NLRP1: variants seen among roughly 807,000 people sequenced by gnomAD.
NLRP1 encodes NLR family pyrin domain containing 1.
In NLRP1, 94 loss-of-function variants were observed where a neutral mutation model predicts 136.7. That is an observed-to-expected ratio of 0.69 (90% CI 0.58 to 0.82). The LOEUF is 0.82. Ranked by LOEUF, NLRP1 falls within the 40% of genes least tolerant of loss-of-function variation. The pLI is 0.00. For missense variants in NLRP1, 1,575 were observed against 1,802.7 expected, an observed-to-expected ratio of 0.87 and a Z score of 2.29; for synonymous variants, 690 against 725.1, an observed-to-expected ratio of 0.95 and a Z score of 0.78.
chr17:5,559,609 G>A lies in NLRP1; in HGVS notation c.1087C>T (p.His363Tyr), dbSNP rs762298014. ...TCTCTGCAGCTGAAGTAGAAGACAT[G>A]CTGGAAGCGGTCCCCATACAGCTGG... ...RGQLYGDRFQ[H>Y]VFYFSCRELA... The change falls in exon 4 of 17, where the codon CAT becomes TAT. Residue 363 changes from histidine (H) to tyrosine (Y), a missense_variant. Coordinates refer to ENST00000572272, the MANE Select transcript of NLRP1 (RefSeq NM_033004.4). 1 of 1,614,110 alleles carries A rather than the reference G, an allele frequency of 6.2e-7. No individual in the cohort carries two copies. The highest frequency in any genetic ancestry group is 1.3e-5 in the African/African-American group (1 of 74,938).
At chr17:5,530,241 CTT>C (rs1277246822) in intron 12 of NLRP1, among the ~76,000 whole-genome samples, 2 of 152,154 alleles carry the variant, frequency 1.3e-5, no homozygotes, top group African/African-American at 2.4e-5. Flanking sequence ...ATAAATGACA[CTT>C]AATAAAAACT....
At position 5,582,064 on chromosome 17, in the gene NLRP1, T is replaced by C. The variant is rs765927931; in HGVS notation, c.449-2A>G. On this transcript the variant is annotated splice_acceptor_variant, in intron 2 of 16. Coordinates refer to ENST00000572272, the MANE Select transcript of NLRP1 (RefSeq NM_033004.4). LOFTEE classifies it high-confidence loss of function. ...GGTAGAGGAGTGAGGCAGAGATTTC[T>C]GGGGGGAATGAAAAGAAAAATAACC... 32 of 1,607,186 alleles carry C rather than the reference T, an allele frequency of 2.0e-5. No individual in the cohort carries two copies. The highest frequency in any genetic ancestry group is 1.9e-4 in the South Asian group (17 of 90,728).
intron 3 of NLRP1, among the ~76,000 whole-genome samples, chr17:5,567,665 T>G (rs575452467): frequency 6.6e-6 from 1 of 152,258 alleles, no homozygotes; most frequent in Non-Finnish European, 1.5e-5. Flanking sequence ...TGAGTAAGTT[T>G]CTTACCTTCA....
intron 3 of NLRP1, 93 bp from the exon 4 acceptor site, chr17:5,560,136 C>T: frequency 8.6e-7 from 1 of 1,164,924 alleles, no homozygotes; most frequent in Non-Finnish European, 1.2e-6. Flanking sequence ...TACTCCAAGC[C>T]ACACACTGCG....
chr17:5,547,686 G>A (rs560715586), intron 5 of NLRP1, among the ~76,000 whole-genome samples: 1 of 152,238 alleles, frequency 6.6e-6, no homozygotes, highest in African/African-American at 2.4e-5. Flanking sequence ...GGATTCCTTA[G>A]TCCTGCTCAA....
chr17:5,531,631 C>A (rs746594287), intron 11 of NLRP1, among the ~76,000 whole-genome samples: 26 of 152,156 alleles, frequency 1.7e-4, no homozygotes, highest in Non-Finnish European at 1.9e-4. Context: ...TCCCGGGATG[C>A]CCCAGCTTCT....
At chr17:5,550,746 CT>C (rs1913252221) in intron 5 of NLRP1, among the ~76,000 whole-genome samples, 1 of 151,956 alleles carries the variant, frequency 6.6e-6, no homozygotes. Context: ...GTTTTGTTTG[CT>C]TTTTAAAAAA....
In NLRP1 at chr17:5,558,957, C is replaced by T; in HGVS notation, c.1739G>A (p.Trp580Ter). 1.2e-6 allele frequency: 2 copies of T among 1,613,958 alleles called. No homozygotes were observed. Among genetic ancestry groups the T allele is most frequent in the Non-Finnish European group, 1.7e-6 (2 of 1,179,942 alleles). ...TGGACTGAAAAGGGTCTTTTTTTGC[C>T]AGATGCCCTCAGCAGCCAGAGAGCA... ...DLCSLAAEGI[W>*]QKKTLFSPDD... Residue 580 changes from tryptophan (W) to a stop codon, truncating the protein, a stop_gained, in exon 4 of 17, where the codon TGG (tryptophan) becomes TAG (stop). Coordinates refer to ENST00000572272, the MANE Select transcript of NLRP1 (RefSeq NM_033004.4). LOFTEE classifies it high-confidence loss of function.
intron 5 of NLRP1, among the ~76,000 whole-genome samples, chr17:5,543,789 A>G (rs1912183870): frequency 2.0e-5 from 3 of 152,090 alleles, no homozygotes; most frequent in Non-Finnish European, 4.4e-5. Context: ...TTTGGAGCAG[A>G]CCCTGTGGCA....
Position 5,533,346 on chromosome 17 carries a change from G to A in NLRP1, c.3091C>T (p.Leu1031Phe), listed in dbSNP as rs755610793. Residue 1031 changes from leucine to phenylalanine, a missense_variant, in exon 10 of 17, where the codon CTC becomes TTC. Leu to Phe is a conservative substitution (Grantham distance 22, BLOSUM62 0). Transcript: ENST00000572272. Reference protein sequence around the residue: ...ASHVAQANLKLLDVSKIFPIA... With the variant: ...ASHVAQANLKFLDVSKIFPIA... ...GGGAAGATCTTGCTCACGTCCAGGA[G>A]TTTGAGATTAGCCTGAGCAACATGG... is the stretch of plus-strand genomic sequence containing the variant. 4 of 1,447,612 alleles carry A rather than the reference G, an allele frequency of 2.8e-6. No individual in the cohort carries two copies. Among genetic ancestry groups the A allele is most frequent in the Non-Finnish European group, 3.8e-6 (4 of 1,052,050 alleles). The allele number at this position is 1,447,612 out of a possible 1,614,324, so 89.7% of individuals were successfully genotyped here.
intron 12 of NLRP1, among the ~76,000 whole-genome samples, chr17:5,526,963 A>G (rs16954840): frequency 0.14 from 20,955 of 152,230 alleles, 1,901 homozygotes; most frequent in African/African-American, 0.26. Flanking sequence ...ACCAGTGCCC[A>G]AGTCCTAAAT....
In NLRP1 at chr17:5,559,960, T is replaced by C. The variant is rs61754792; in HGVS notation, c.736A>G (p.Thr246Ala). 695 of 1,614,044 alleles carry C rather than the reference T, an allele frequency of 4.3e-4. 2 individuals are homozygous for C. Among genetic ancestry groups the C allele is most frequent in the Admixed American group, 2.3e-3 (138 of 60,014 alleles). Residue 246 changes from threonine to alanine, a missense_variant, in exon 4 of 17, where the codon ACC (threonine) becomes GCC (alanine). Transcript: ENST00000572272. ...GGGTGGTGGTGGGGCTGTAGGCTGG[T>C]GTGCGCCTGTGGGGGCGTTCCTACC... The part of the protein sequence containing the change: ...AVVGTPPQAH[T>A]SLQPHHHPWE...
chr17:5,520,947 TG>T lies in NLRP1; in HGVS notation c.3848del (p.Pro1283HisfsTer54). The T allele has an allele frequency of 6.2e-7, 1 of 1,612,182 alleles. No individual in the cohort carries two copies. Among genetic ancestry groups the T allele is most frequent in the Non-Finnish European group, 8.5e-7 (1 of 1,179,094 alleles). ...CAGTGTAACGACAGCCCATATAAAG[TG>T]GGGTCAGCGGGGGTGGCTTGTGGAT... ...VRIHKPPPLTPLYMGCRYTVS... is the reference protein window; with the variant it reads ...VRIHKPPPLTXLYMGCRYTVS... On this transcript the variant is annotated frameshift_variant, in exon 14 of 17. Transcript: ENST00000572272. LOFTEE classifies it high-confidence loss of function.
chr17:5,568,581 A>T (rs988685127), intron 3 of NLRP1, among the ~76,000 whole-genome samples: 2 of 152,030 alleles, frequency 1.3e-5, no homozygotes, highest in Non-Finnish European at 2.9e-5. Context: ...TGGTGAGGTC[A>T]TGTTTTCCTG....
intron 2 of NLRP1, 28 bp downstream of exon 2, chr17:5,582,642 G>A: frequency 6.2e-7 from 1 of 1,609,446 alleles, no homozygotes; most frequent in Non-Finnish European, 8.5e-7. Flanking sequence ...TCCACCCAGG[G>A]CTGTCAGCCT....
chr17:5,527,274 T>C (rs907845120), intron 12 of NLRP1, among the ~76,000 whole-genome samples: 5 of 152,302 alleles, frequency 3.3e-5, no homozygotes, highest in Admixed American at 2.6e-4. Flanking sequence ...CGCAAGAAAG[T>C]CTCATAATGT....
At chr17:5,507,608 A>G (rs1177340958) in intron 15 of NLRP1, among the ~76,000 whole-genome samples, 1 of 152,056 alleles carries the variant, frequency 6.6e-6, no homozygotes, top group African/African-American at 2.4e-5. Flanking sequence ...GTAGATCACG[A>G]GGTCAGGAGA....
intron 8 of NLRP1, 141 bp from the exon 9 acceptor site, chr17:5,534,129 G>A (rs11654180): frequency 0.048 from 34,675 of 716,142 alleles, 1,021 homozygotes; most frequent in Middle Eastern, 0.084. Flanking sequence ...TGGGAGGCCG[G>A]GATGGGTGGA....
At chr17:5,519,414 G>A (rs1274554384) in intron 14 of NLRP1, among the ~76,000 whole-genome samples, 1 of 151,090 alleles carries the variant, frequency 6.6e-6, no homozygotes, top group Non-Finnish European at 1.5e-5. Context: ...CCATAGTGCT[G>A]CGATTACAGG....
Sources: allele counts gnomAD v4.1 joint callset (sites outside exome capture counted in the v4.1 genomes callset), GRCh38; gene constraint gnomAD v4.1.1; transcripts MANE v1.5; gene names NCBI Gene and HGNC (gene_info 2026-07-23, HGNC 2026-07-21).